Variants in DGKH observed in about 807,000 individuals in gnomAD.
DGKH encodes the protein DAG kinase eta.
Under a neutral mutation model 159.3 loss-of-function variants are expected in DGKH, and 90 were observed. The observed-to-expected ratio is 0.57, with a 90% confidence interval of 0.48 to 0.67. The LOEUF is 0.67. DGKH is among the 30% of genes least tolerant of loss of function. The pLI, the probability that DGKH is intolerant of heterozygous loss-of-function variation, is 0.00. For synonymous variants in DGKH, 536 were observed against 553.8 expected, an observed-to-expected ratio of 0.97 and a Z score of 0.45; for missense variants, 1,181 against 1,506.1, an observed-to-expected ratio of 0.78 and a Z score of 3.57.
At chr13:42,128,679 G>A (rs1436124529) in intron 2 of DGKH, among the ~76,000 whole-genome samples, 1 of 152,114 alleles carries the variant, frequency 6.6e-6, no homozygotes, top group African/African-American at 2.4e-5. Flanking sequence ...AATCATCTGT[G>A]ATCTTCTATA....
At position 42,079,643 on chromosome 13, in the gene DGKH, A is replaced by C. The variant is rs183976674; in HGVS notation, c.192+30678A>C. On this transcript the variant is annotated intron_variant, in intron 1 of 29. Coordinates refer to ENST00000337343, the MANE Select transcript of DGKH (RefSeq NM_178009.5). ...CTTGACCTACTAGGAAAGATGAACT[A>C]TTCTCACTCACGGAGTTCATCCCTG... Among the ~76,000 whole-genome samples, 920 of 152,236 alleles carry C rather than the reference A, an allele frequency of 6.0e-3. 11 individuals carry two copies. The highest frequency in any genetic ancestry group is 9.8e-3 in the Non-Finnish European group (667 of 68,004).
intron 29 of DGKH, among the ~76,000 whole-genome samples, chr13:42,222,257 G>A (rs923824137): frequency 6.6e-6 from 1 of 152,150 alleles, no homozygotes; most frequent in Admixed American, 6.5e-5. Context: ...TCCCTTTCAT[G>A]TAGACCAAGT....
chr13:42,152,061 C>T (rs186081909), intron 3 of DGKH, among the ~76,000 whole-genome samples: 4 of 151,900 alleles, frequency 2.6e-5, no homozygotes, highest in Non-Finnish European at 4.4e-5. Flanking sequence ...TTGTATGTTT[C>T]TTGGCCGTTT....
In DGKH at chr13:42,219,904, T is replaced by A. The variant is rs1957922938; in HGVS notation, c.3442+110T>A. On this transcript the variant is annotated intron_variant, in intron 28 of 29. Coordinates refer to ENST00000337343, the MANE Select transcript of DGKH (RefSeq NM_178009.5). ...CTGGAGCTAGATGGTGGTTGAGCATTGTGCAGTATGATGAACATACTGTCA... is the reference window on the plus strand; with the variant it reads ...CTGGAGCTAGATGGTGGTTGAGCATAGTGCAGTATGATGAACATACTGTCA... 3.4e-6 allele frequency: 3 copies of A among 893,500 alleles called. No individual in the cohort carries two copies. The South Asian group carries it at 5.0e-5, about 15-fold the overall frequency. 55.3% of individuals were successfully genotyped at this position (893,500 alleles called of 1,614,324 possible).
At chr13:42,081,708 C>A (rs1954204422) in intron 1 of DGKH, among the ~76,000 whole-genome samples, 1 of 152,186 alleles carries the variant, frequency 6.6e-6, no homozygotes, top group African/African-American at 2.4e-5. Context: ...GATATGTCCC[C>A]AGCATTCTTA....
In DGKH at chr13:42,236,091, A is replaced by T. The variant is rs879901378; in HGVS notation, c.*6903A>T. The T allele has an allele frequency of 6.6e-6, 1 of 152,200 alleles. No individual in the cohort carries two copies. Among genetic ancestry groups the T allele is most frequent in the African/African-American group, 2.4e-5 (1 of 41,460 alleles). The allele number at this position is 152,200 out of a possible 1,614,324, so 9.4% of individuals were successfully genotyped here. ...AAGAATTTTACCTTTGGATTTCTCT[A>T]TGTGAGGCAGTGCTGGTGTCAGCAA... On this transcript the variant is annotated 3_prime_UTR_variant, in exon 30 of 30. Coordinates refer to ENST00000337343, the MANE Select transcript of DGKH (RefSeq NM_178009.5).
chr13:42,151,382 T>G (rs1170022273), intron 3 of DGKH, among the ~76,000 whole-genome samples: 4 of 151,764 alleles, frequency 2.6e-5, no homozygotes, highest in African/African-American at 9.7e-5. Context: ...CTTCTGCTTC[T>G]GAGTTATTTC....
chr13:42,049,814 C>T (rs1171814050), intron 1 of DGKH, among the ~76,000 whole-genome samples: 4 of 152,198 alleles, frequency 2.6e-5, no homozygotes, highest in Non-Finnish European at 4.4e-5. Flanking sequence ...TTAATTTGAT[C>T]ATGAACATAC....
chr13:42,219,132 G>C, intron 26 of DGKH, 98 bp from the exon 27 acceptor site: 1 of 1,449,148 alleles, frequency 6.9e-7, no homozygotes. Flanking sequence ...CCTTAATAAG[G>C]AGTGAGGCTG....
intron 7 of DGKH, among the ~76,000 whole-genome samples, chr13:42,163,104 C>T (rs1378678579): frequency 1.4e-5 from 2 of 147,848 alleles, no homozygotes; most frequent in African/African-American, 5.0e-5. Flanking sequence ...TGAGTGAGAA[C>T]ATGCGGTGTT....
intron 1 of DGKH, among the ~76,000 whole-genome samples, chr13:42,110,187 T>G (rs1352353323): frequency 6.6e-6 from 1 of 152,074 alleles, no homozygotes; most frequent in Non-Finnish European, 1.5e-5. Context: ...GTGGTAGATG[T>G]GAGATTCCTG....
At chr13:42,114,071 A>T (rs1954919951) in intron 1 of DGKH, among the ~76,000 whole-genome samples, 1 of 152,168 alleles carries the variant, frequency 6.6e-6, no homozygotes, top group Admixed American at 6.5e-5. Context: ...TCTTCTGTAT[A>T]CCCATCCTCT....
rs1215924188 is a variant in DGKH at position 42,209,231 on chromosome 13, A to C, written c.2716-100A>C. 8 of 1,471,092 alleles carry C rather than the reference A, an allele frequency of 5.4e-6. No homozygotes were observed. In the African/African-American group the frequency reaches 5.6e-5, roughly 10 times the overall value. 91.1% of individuals were successfully genotyped at this position (1,471,092 alleles called of 1,614,324 possible). A position where few individuals can be genotyped will look rare whatever the true frequency, so the allele number is the denominator to read the frequency against. ...TCATTTATAAGTGATAAAGCATAAT[A>C]GTCTATTCTGTAGAATAGTCTAATA... is the stretch of plus-strand genomic sequence containing the variant. On this transcript the variant is annotated intron_variant, in intron 22 of 29. Coordinates refer to ENST00000337343, the MANE Select transcript of DGKH (RefSeq NM_178009.5).
intron 1 of DGKH, among the ~76,000 whole-genome samples, chr13:42,052,771 G>C (rs1881417148): frequency 6.6e-6 from 1 of 152,204 alleles, no homozygotes; most frequent in African/African-American, 2.4e-5. Flanking sequence ...ACTTGGTCAG[G>C]CTTACAGCCT....
At chr13:42,188,453 G>A (rs1956980855) in intron 14 of DGKH, among the ~76,000 whole-genome samples, 8 of 152,050 alleles carry the variant, frequency 5.3e-5, no homozygotes, top group Admixed American at 5.2e-4. Flanking sequence ...AATCCCTTAG[G>A]CATTGTTCAC....
chr13:42,235,723 G>A lies in DGKH; in HGVS notation c.*6535G>A, dbSNP rs993882738. ...GGTATTGTAACATTCCCAGTTTTGTGAGTTATATATTGTATATTGAAGATG... is the reference window on the plus strand; with the variant it reads ...GGTATTGTAACATTCCCAGTTTTGTAAGTTATATATTGTATATTGAAGATG... On this transcript the variant is annotated 3_prime_UTR_variant, in exon 30 of 30. Coordinates refer to ENST00000337343, the MANE Select transcript of DGKH (RefSeq NM_178009.5). 1 of 152,064 alleles carries A rather than the reference G, an allele frequency of 6.6e-6. No homozygotes were observed. Among genetic ancestry groups the A allele is most frequent in the Admixed American group, 6.6e-5 (1 of 15,260 alleles). 9.4% of individuals were successfully genotyped at this position (152,064 alleles called of 1,614,324 possible).
At chr13:42,182,908 T>TAA (rs5803119) in intron 13 of DGKH, among the ~76,000 whole-genome samples, 53 of 148,046 alleles carry the variant, frequency 3.6e-4, no homozygotes, top group African/African-American at 1.2e-3. Context: ...ACAAGGTCTT[T>TAA]AAAAAAAAAA....
At chr13:42,219,385 G>A in intron 27 of DGKH, 36 bp downstream of exon 27, 1 of 1,609,372 alleles carries the variant, frequency 6.2e-7, no homozygotes, top group Non-Finnish European at 8.5e-7. Context: ...TAGAAATGTA[G>A]ACCATATTGC....
At chr13:42,173,030 G>A (rs545841703) in intron 11 of DGKH, among the ~76,000 whole-genome samples, 67 of 151,902 alleles carry the variant, frequency 4.4e-4, no homozygotes, top group African/African-American at 1.5e-3. Context: ...GGAGTGCAGT[G>A]GCATGATCTC....
Sources: gnomAD v4.1 joint callset for allele counts (sites outside exome capture counted in the v4.1 genomes callset) on GRCh38, gnomAD v4.1.1 for gene constraint, MANE v1.5 for transcripts, NCBI Gene and HGNC (gene_info 2026-07-23, HGNC 2026-07-21) for gene names.